The following HEMK2 variants were observed in gnomAD, a reference collection of about 807,000 sequenced individuals.
HEMK2 encodes the protein methyltransferase HEMK2.
the HEMK2 span, among the ~76,000 whole-genome samples, chr21:28,877,281 G>A: frequency 0.17 from 22,440 of 134,850 alleles, 2,151 homozygotes; most frequent in South Asian, 0.23. Flanking sequence ...AGGAAGGAAG[G>A]AAGGAAGGAA....
At chr21:28,593,217 A>G in the HEMK2 span, among the ~76,000 whole-genome samples, 16 of 152,302 alleles carry the variant, frequency 1.1e-4, no homozygotes, top group Middle Eastern at 3.4e-3. Flanking sequence ...CATACATTAT[A>G]TTAAATTACT....
the HEMK2 span, among the ~76,000 whole-genome samples, chr21:28,717,731 C>T: frequency 2.6e-5 from 4 of 152,100 alleles, no homozygotes; most frequent in Non-Finnish European, 5.9e-5. Context: ...CTGCCCATCT[C>T]GGCCTCCCAA....
At chr21:28,787,838 T>G in the HEMK2 span, among the ~76,000 whole-genome samples, 1 of 152,206 alleles carries the variant, frequency 6.6e-6, no homozygotes, top group Middle Eastern at 3.4e-3. Flanking sequence ...TACCATTTGA[T>G]CCAGGAATCC....
the HEMK2 span, among the ~76,000 whole-genome samples, chr21:28,673,357 A>C: frequency 1.3e-5 from 2 of 152,312 alleles, no homozygotes; most frequent in Admixed American, 6.5e-5. Flanking sequence ...AAAGAAAAGA[A>C]ATTTGTCTGA....
At chr21:28,881,806 A>G in the HEMK2 span, among the ~76,000 whole-genome samples, 1 of 151,836 alleles carries the variant, frequency 6.6e-6, no homozygotes, top group Admixed American at 6.6e-5. Context: ...TATTTTTTTA[A>G]TTTTTATTTT....
the HEMK2 span, among the ~76,000 whole-genome samples, chr21:28,862,596 G>T: frequency 1.6e-4 from 19 of 121,414 alleles, no homozygotes; most frequent in Admixed American, 7.6e-5. Flanking sequence ...CTGAGATTGC[G>T]CCACTGCAGT....
the HEMK2 span, among the ~76,000 whole-genome samples, chr21:28,591,452 G>A: frequency 6.6e-6 from 1 of 151,960 alleles, no homozygotes; most frequent in East Asian, 1.9e-4. Context: ...TGCACGTCAA[G>A]TGAGAAAAAA....
chr21:28,727,164 A>G, the HEMK2 span, among the ~76,000 whole-genome samples: 32 of 152,312 alleles, frequency 2.1e-4, no homozygotes, highest in African/African-American at 7.7e-4. Context: ...TGAGTCTGAG[A>G]AAAGCAAATA....
chr21:28,720,531 G>A, the HEMK2 span, among the ~76,000 whole-genome samples: 17 of 152,148 alleles, frequency 1.1e-4, no homozygotes, highest in Non-Finnish European at 1.6e-4. Flanking sequence ...TCAGGAGTTT[G>A]AGACCAGCTT....
At chr21:28,784,184 C>T in the HEMK2 span, among the ~76,000 whole-genome samples, 12 of 152,338 alleles carry the variant, frequency 7.9e-5, no homozygotes, top group East Asian at 1.9e-3. Context: ...CCTGCGGCCC[C>T]GGTGTAGGAT....
the HEMK2 span, among the ~76,000 whole-genome samples, chr21:28,860,054 G>A: frequency 6.6e-6 from 1 of 151,988 alleles, no homozygotes; most frequent in Non-Finnish European, 1.5e-5. Flanking sequence ...ACAAGGGGTG[G>A]ACTTGCGATG....
At chr21:28,847,415 C>T in the HEMK2 span, among the ~76,000 whole-genome samples, 4 of 152,198 alleles carry the variant, frequency 2.6e-5, no homozygotes, top group Admixed American at 2.0e-4. Flanking sequence ...GCCATGGTTA[C>T]ATCTTCTTCT....
At chr21:28,701,152 G>C in the HEMK2 span, among the ~76,000 whole-genome samples, 2 of 152,064 alleles carry the variant, frequency 1.3e-5, no homozygotes, top group African/African-American at 2.4e-5. Flanking sequence ...CTTCAAAATA[G>C]TAACAGCCAT....
chr21:28,863,576 G>T, the HEMK2 span, among the ~76,000 whole-genome samples: 1 of 150,740 alleles, frequency 6.6e-6, no homozygotes, highest in Non-Finnish European at 1.5e-5. Context: ...TAACTTACAG[G>T]AGATCACAGA....
At chr21:28,653,284 G>A in the HEMK2 span, among the ~76,000 whole-genome samples, 1 of 152,084 alleles carries the variant, frequency 6.6e-6, no homozygotes, top group South Asian at 2.1e-4. Context: ...ATTCTCCAAT[G>A]TCTTCCACCA....
the HEMK2 span, among the ~76,000 whole-genome samples, chr21:28,793,598 T>C: frequency 3.9e-5 from 6 of 152,170 alleles, no homozygotes; most frequent in Admixed American, 2.0e-4. Flanking sequence ...GAGGATGCTG[T>C]GAGGTGAGTG....
At chr21:28,761,127 T>G in the HEMK2 span, among the ~76,000 whole-genome samples, 1 of 152,162 alleles carries the variant, frequency 6.6e-6, no homozygotes, top group South Asian at 2.1e-4. Flanking sequence ...TCAACAAATA[T>G]AAGTTAGCTG....
At chr21:28,879,730 C>A in the HEMK2 span, 1 of 544,780 alleles carries the variant, frequency 1.8e-6, no homozygotes, top group Non-Finnish European at 3.1e-6. Context: ...TTTAATAGGA[C>A]TCAATTACTG....
At chr21:28,582,822 G>T in the HEMK2 span, among the ~76,000 whole-genome samples, 1 of 152,094 alleles carries the variant, frequency 6.6e-6, no homozygotes, top group African/African-American at 2.4e-5. Context: ...TTCCCTGATG[G>T]TATAAAAAAT....
Sources: allele counts gnomAD v4.1 joint callset (sites outside exome capture counted in the v4.1 genomes callset), GRCh38; gene constraint gnomAD v4.1.1; transcripts MANE v1.5; gene names NCBI Gene and HGNC (gene_info 2026-07-23, HGNC 2026-07-21).